AAK1: variants seen among roughly 807,000 people sequenced by gnomAD.
AAK1 encodes the protein AP2 associated kinase 1.
In AAK1, 37 loss-of-function variants were observed where a neutral mutation model predicts 116.0. The ratio of observed to expected loss-of-function variants is 0.32; its 90% CI spans 0.25 to 0.42. The LOEUF (loss-of-function observed/expected upper bound fraction) is 0.42. Ranked by LOEUF, AAK1 falls within the 10% of genes least tolerant of loss-of-function variation. The pLI is 1.00. For synonymous variants in AAK1, 458 were observed against 439.9 expected (o/e 1.04, Z -0.51); for missense variants, 919 against 1,170.6 (o/e 0.79, Z 3.14).
At chr2:69,566,052 G>A (rs2312214) in intron 2 of AAK1, among the ~76,000 whole-genome samples, 4,319 of 152,032 alleles carry the variant, frequency 0.028, 282 homozygotes, top group East Asian at 0.17. Context: ...TCCACAGTGA[G>A]AACCTGGGTG....
intron 2 of AAK1, among the ~76,000 whole-genome samples, chr2:69,591,183 G>A (rs933594904): frequency 6.6e-6 from 1 of 152,150 alleles, no homozygotes; most frequent in Non-Finnish European, 1.5e-5. Context: ...TGGAGATTTA[G>A]GCACAAAGTG....
chr2:69,466,103 G>C lies in AAK1; in HGVS notation c.*9766C>G. The C allele has an allele frequency of 2.3e-6, 3 of 1,290,844 alleles. No homozygotes were observed. The highest frequency in any genetic ancestry group is 3.0e-6 in the Non-Finnish European group (3 of 988,870). 80.0% of individuals were successfully genotyped at this position (1,290,844 alleles called of 1,614,324 possible). On this transcript the variant is annotated 3_prime_UTR_variant, in exon 22 of 22. Transcript: ENST00000409085. ...CATCATTTGGAACCCTTGAGCTCCTGAAGGGAGCTATGGCAAAAACATCTG... is the reference window on the plus strand; with the variant it reads ...CATCATTTGGAACCCTTGAGCTCCTCAAGGGAGCTATGGCAAAAACATCTG...
chr2:69,560,525 T>C (rs1223694042), intron 2 of AAK1, among the ~76,000 whole-genome samples: 1 of 152,226 alleles, frequency 6.6e-6, no homozygotes, highest in Non-Finnish European at 1.5e-5. Context: ...TCAGATAATC[T>C]CATCTGTGAA....
chr2:69,529,938 C>T, intron 8 of AAK1, 70 bp downstream of exon 8: 1 of 1,315,810 alleles, frequency 7.6e-7, no homozygotes, highest in Non-Finnish European at 1.0e-6. Flanking sequence ...GGAATCTAAT[C>T]CCTTTATCCC....
At chr2:69,594,944 G>A (rs1295885924) in intron 2 of AAK1, 13 of 963,926 alleles carry the variant, frequency 1.3e-5, no homozygotes, top group East Asian at 4.8e-5. Flanking sequence ...CTGTCATAAC[G>A]CCACTTTCCC....
intron 16 of AAK1, among the ~76,000 whole-genome samples, chr2:69,504,797 G>A (rs574342407): frequency 6.6e-6 from 1 of 152,222 alleles, no homozygotes; most frequent in Admixed American, 6.5e-5. Context: ...TGTGTATTCT[G>A]GTCAGGGAGA....
At chr2:69,634,174 A>G (rs1485360983) in intron 2 of AAK1, among the ~76,000 whole-genome samples, 1 of 141,342 alleles carries the variant, frequency 7.1e-6, no homozygotes, top group African/African-American at 2.4e-5. Context: ...TCTGAAAAAT[A>G]TATATATAAA....
At chr2:69,493,063 G>A (rs967115215) in intron 17 of AAK1, among the ~76,000 whole-genome samples, 11 of 150,402 alleles carry the variant, frequency 7.3e-5, no homozygotes, top group African/African-American at 2.4e-4. Context: ...TAAGGCTGAG[G>A]CAGGAGAATG....
chr2:69,564,938 A>T (rs1293574712), intron 2 of AAK1, among the ~76,000 whole-genome samples: 2 of 151,502 alleles, frequency 1.3e-5, no homozygotes, highest in Non-Finnish European at 1.5e-5. Context: ...TTCCACCCCC[A>T]CCTCCCTGCA....
rs542823509 is a variant in AAK1 at position 69,640,081 on chromosome 2, C to CTCTCT, written c.163+2796_163+2797insAGAGA. ...CTCTCTCTCTCTCTCTCTCTCTCTCCCCCCCCACATATATACATATGATGT... is the reference window on the plus strand; with the variant it reads ...CTCTCTCTCTCTCTCTCTCTCTCTCCTCTCTCCCCCCACATATATACATATGATGT... On this transcript the variant is annotated intron_variant, in intron 2 of 21. Coordinates refer to ENST00000409085, the MANE Select transcript of AAK1 (RefSeq NM_014911.5). Among the ~76,000 whole-genome samples the CTCTCT allele has an allele frequency of 7.8e-3, 949 of 121,486 alleles. 15 individuals carry two copies. The highest frequency in any genetic ancestry group is 0.027 in the African/African-American group (871 of 31,918). 79.7% of individuals were successfully genotyped at this position (121,486 alleles called of 152,430 possible). A position where few individuals can be genotyped will look rare whatever the true frequency, so the allele number is the denominator to read the frequency against.
Position 69,461,223 on chromosome 2 carries a change from T to G in AAK1, c.*14646A>C, listed in dbSNP as rs1439984271. 6.3e-6 allele frequency: 1 copy of G among 159,654 alleles called. No homozygotes were observed. The highest frequency in any genetic ancestry group is 1.4e-5 in the Non-Finnish European group (1 of 72,768). 9.9% of individuals were successfully genotyped at this position (159,654 alleles called of 1,614,324 possible). A position where few individuals can be genotyped will look rare whatever the true frequency, so the allele number is the denominator to read the frequency against. ...CAGTACAGTAACATGCTGTACAGGT[T>G]TGTAGCCCAGGAGCAACAGGCTGGA... On this transcript the variant is annotated 3_prime_UTR_variant, in exon 22 of 22. Coordinates refer to ENST00000409085, the MANE Select transcript of AAK1 (RefSeq NM_014911.5).
Position 69,573,425 on chromosome 2 carries a change from C to T in AAK1, c.164-16447G>A, listed in dbSNP as rs117239941. Among the ~76,000 whole-genome samples the T allele has an allele frequency of 2.9e-4, 44 of 152,232 alleles. 1 individual carries two copies. In the East Asian group the frequency reaches 8.5e-3, roughly 29 times the overall value. ...AATCCCACCTGACCTGGAAGGAAGA[C>T]GAGAAGCATTCCACCCAAGTATCTA... On this transcript the variant is annotated intron_variant, in intron 2 of 21. Coordinates refer to ENST00000409085, the MANE Select transcript of AAK1 (RefSeq NM_014911.5).
chr2:69,519,402 G>T (rs1410401175), intron 11 of AAK1, among the ~76,000 whole-genome samples, 162 bp from the exon 12 acceptor site: 1 of 152,182 alleles, frequency 6.6e-6, no homozygotes, highest in East Asian at 1.9e-4. Context: ...CACCTGGAAT[G>T]TCTTTCTATC....
chr2:69,529,399 T>G (rs1184695206), intron 8 of AAK1, among the ~76,000 whole-genome samples: 1 of 148,142 alleles, frequency 6.8e-6, no homozygotes, highest in Non-Finnish European at 1.5e-5. Context: ...CAAATATTAT[T>G]CTTTTTTTTT....
intron 2 of AAK1, among the ~76,000 whole-genome samples, chr2:69,562,889 C>A (rs2105099123): frequency 6.6e-6 from 1 of 151,760 alleles, no homozygotes; most frequent in South Asian, 2.1e-4. Context: ...GACTCCATCT[C>A]AAAAACAAAA....
intron 10 of AAK1, among the ~76,000 whole-genome samples, chr2:69,521,365 G>A (rs1669771666): frequency 1.3e-5 from 2 of 152,146 alleles, no homozygotes; most frequent in South Asian, 2.1e-4. Context: ...TACCCTTTGG[G>A]TAATAATGCA....
At chr2:69,563,782 CT>C (rs1671747570) in intron 2 of AAK1, among the ~76,000 whole-genome samples, 1 of 152,208 alleles carries the variant, frequency 6.6e-6, no homozygotes, top group Non-Finnish European at 1.5e-5. Flanking sequence ...TGTTCTGAAG[CT>C]TTTCTAAGGA....
chr2:69,618,697 C>G (rs35947226), intron 2 of AAK1, among the ~76,000 whole-genome samples: 34,630 of 151,346 alleles, frequency 0.23, 4,919 homozygotes, highest in East Asian at 0.5. Context: ...TGGCTTCCCT[C>G]CACTGCAACT....
In AAK1 at chr2:69,470,329, A is replaced by G; in HGVS notation, c.*5540T>C. 1 of 985,484 alleles carries G rather than the reference A, an allele frequency of 1.0e-6. No homozygotes were observed. Among genetic ancestry groups the G allele is most frequent in the Non-Finnish European group, 1.2e-6 (1 of 829,932 alleles). 61.0% of individuals were successfully genotyped at this position (985,484 alleles called of 1,614,324 possible). ...CACAAGAACTTGGAAATGCAGCAGCAATTGAAACGTAAAATTTTAGAACCA... is the reference window on the plus strand; with the variant it reads ...CACAAGAACTTGGAAATGCAGCAGCGATTGAAACGTAAAATTTTAGAACCA... On this transcript the variant is annotated 3_prime_UTR_variant, in exon 22 of 22. Coordinates refer to ENST00000409085, the MANE Select transcript of AAK1 (RefSeq NM_014911.5).
Sources: gnomAD v4.1 joint callset for allele counts (sites outside exome capture counted in the v4.1 genomes callset) on GRCh38, gnomAD v4.1.1 for gene constraint, MANE v1.5 for transcripts, NCBI Gene and HGNC (gene_info 2026-07-23, HGNC 2026-07-21) for gene names.